CEP89: variants seen among roughly 807,000 people sequenced by gnomAD.
CEP89 encodes centrosomal protein of 89 kDa.
Under a neutral mutation model 97.6 loss-of-function variants are expected in CEP89, and 95 were observed. That is an observed-to-expected ratio of 0.97 (90% CI 0.82 to 1.15). CEP89 has a LOEUF of 1.15. CEP89 is among the 50% of genes most tolerant of loss of function. The pLI is 0.00. For synonymous variants in CEP89, 354 were observed against 349.1 expected (o/e 1.01, Z -0.16); for missense variants, 869 against 947.7 (o/e 0.92, Z 1.09).
At chr19:32,943,427 G>T (rs922363540) in intron 5 of CEP89, among the ~76,000 whole-genome samples, 4 of 152,114 alleles carry the variant, frequency 2.6e-5, no homozygotes, top group Non-Finnish European at 5.9e-5. Flanking sequence ...CTCTCCAGAG[G>T]TAACCATGGT....
intron 2 of CEP89, among the ~76,000 whole-genome samples, chr19:32,962,499 G>T (rs764704462): frequency 6.6e-6 from 1 of 152,104 alleles, no homozygotes; most frequent in Non-Finnish European, 1.5e-5. Flanking sequence ...CTGTAAAGCC[G>T]AAAACCATAA....
intron 14 of CEP89, among the ~76,000 whole-genome samples, chr19:32,912,910 T>C (rs771716553): frequency 5.3e-5 from 8 of 150,944 alleles, no homozygotes; most frequent in South Asian, 2.1e-4. Context: ...GGCGAGGTGG[T>C]GGGCGCCTGT....
chr19:32,905,543 C>A (rs1969870882), intron 14 of CEP89, among the ~76,000 whole-genome samples: 1 of 151,112 alleles, frequency 6.6e-6, no homozygotes, highest in African/African-American at 2.4e-5. Flanking sequence ...TTCAGGTATT[C>A]TTCTTCTTCT....
chr19:32,900,005 A>C lies in CEP89; in HGVS notation c.1734-7T>G. 1 of 1,613,858 alleles carries C rather than the reference A, an allele frequency of 6.2e-7. No homozygotes were observed. The highest frequency in any genetic ancestry group is 8.5e-7 in the Non-Finnish European group (1 of 1,179,868). On this transcript the variant is annotated splice_region_variant and splice_polypyrimidine_tract_variant and intron_variant, in intron 15 of 18. Coordinates refer to ENST00000305768, the MANE Select transcript of CEP89 (RefSeq NM_032816.5). ...AATTTTCTTTTGAGATTTCCTAGAG[A>C]GTTACCCCAAATGGTAGAATAAAAA...
chr19:32,934,142 C>T lies in CEP89; in HGVS notation c.668-473G>A, dbSNP rs914926446. The stretch of plus-strand genomic sequence containing the variant: ...TCAGGGGCTGGTGGCTGGCTGGGTG[C>T]GGGCAGTGAGAGAGAAGCAGACCCA... On this transcript the variant is annotated intron_variant, in intron 7 of 18. Transcript: ENST00000305768. Among the ~76,000 whole-genome samples the T allele has an allele frequency of 7.2e-5, 11 of 151,750 alleles. No homozygotes were observed. In the East Asian group the frequency reaches 7.8e-4, roughly 11 times the overall value.
At position 32,933,532 on chromosome 19, in the gene CEP89, T is replaced by C; in HGVS notation, c.805A>G (p.Lys269Glu). Residue 269 changes from lysine (K) to glutamate (E), a missense_variant, in exon 8 of 19, where the codon AAA (lysine) becomes GAA (glutamate). By Grantham distance (56) the Lys-to-Glu change is moderately conservative. Coordinates refer to ENST00000305768, the MANE Select transcript of CEP89 (RefSeq NM_032816.5). ...CCCTTAAGTTTTAACTGTAGTTCTT[T>C]CATTGCTTGTTTCATTGTGTTTAGT... ...LELNTMKQAM[K>E]ELQLKLKGME... 6.2e-7 allele frequency: 1 copy of C among 1,614,066 alleles called. No individual in the cohort carries two copies. The highest frequency in any genetic ancestry group is 8.5e-7 in the Non-Finnish European group (1 of 1,179,888).
At chr19:32,954,467 G>A (rs1971004208) in intron 3 of CEP89, among the ~76,000 whole-genome samples, 3 of 151,682 alleles carry the variant, frequency 2.0e-5, no homozygotes, top group African/African-American at 7.3e-5. Context: ...CTGGGCTCAG[G>A]TGATCCTCCA....
chr19:32,887,751 C>G lies in CEP89; in HGVS notation c.1965+1G>C. On this transcript the variant is annotated splice_donor_variant, in intron 17 of 18. Coordinates refer to ENST00000305768, the MANE Select transcript of CEP89 (RefSeq NM_032816.5). LOFTEE classifies it high-confidence loss of function. ...ATCTCTGAGGCCAAATAACCACTTA[C>G]CTTGACTTTTTCCTCTAACTTTCCC... 6.3e-7 allele frequency: 1 copy of G among 1,594,644 alleles called. No homozygotes were observed. Among genetic ancestry groups the G allele is most frequent in the African/African-American group, 1.3e-5 (1 of 74,668 alleles).
At chr19:32,891,542 C>T (rs1480524082) in intron 16 of CEP89, among the ~76,000 whole-genome samples, 1 of 151,824 alleles carries the variant, frequency 6.6e-6, no homozygotes, top group African/African-American at 2.4e-5. Flanking sequence ...TATGAAATGC[C>T]TGAAAAAGAA....
chr19:32,900,963 G>A (rs541718983), intron 15 of CEP89, among the ~76,000 whole-genome samples: 4 of 148,690 alleles, frequency 2.7e-5, no homozygotes, highest in Admixed American at 6.8e-5. Context: ...TCGGCTCACC[G>A]CAACCTCTGC....
At chr19:32,941,972 C>A (rs1970695886) in intron 5 of CEP89, among the ~76,000 whole-genome samples, 1 of 152,316 alleles carries the variant, frequency 6.6e-6, no homozygotes, top group East Asian at 1.9e-4. Flanking sequence ...TGGTATCACA[C>A]AATGCTACCT....
intron 7 of CEP89, among the ~76,000 whole-genome samples, chr19:32,934,768 T>C (rs1247574465): frequency 1.3e-5 from 2 of 151,926 alleles, no homozygotes; most frequent in Non-Finnish European, 2.9e-5. Context: ...GAGGGGTGGC[T>C]CCAGGGATAC....
rs1407110112 is a variant in CEP89, at chr19:32,951,534, T to TATATACAC, written c.492+2080_492+2081insGTGTATAT. On this transcript the variant is annotated intron_variant, in intron 4 of 18. Transcript: ENST00000305768. ...AATTATATATATATATATATATATATACACACACACACACACACACACACA... is the reference window on the plus strand; with the variant it reads ...AATTATATATATATATATATATATATATATACACACACACACACACACACACACACACA... 3.6e-3 allele frequency among the ~76,000 whole-genome samples: 442 copies of TATATACAC among 121,994 alleles called. 6 individuals carry two copies. Among genetic ancestry groups the TATATACAC allele is most frequent in the East Asian group, 0.029 (127 of 4,332 alleles). 80.0% of individuals were successfully genotyped at this position (121,994 alleles called of 152,430 possible).
chr19:32,940,856 G>A (rs1457916299), intron 5 of CEP89, among the ~76,000 whole-genome samples: 1 of 151,660 alleles, frequency 6.6e-6, no homozygotes, highest in Non-Finnish European at 1.5e-5. Context: ...CGCCTCCCAG[G>A]TTCAAATGAT....
rs1971130012 is a variant in CEP89 at position 32,959,937 on chromosome 19, T to C, written c.268A>G (p.Ile90Val). Residue 90 changes from isoleucine (I) to valine (V), a missense_variant, in exon 3 of 19, where the codon ATC becomes GTC. By Grantham distance (29) the Ile-to-Val change is conservative. Transcript: ENST00000305768. ...TGTGAGGTGGTGGCATAGGGCTCGA[T>C]GAAGCTGTCCTGTTCAACACTGCTC... is the stretch of plus-strand genomic sequence containing the variant. Reference protein sequence around the residue: ...DVSSVEQDSFIEPYATTSQLR... With the variant: ...DVSSVEQDSFVEPYATTSQLR... The C allele has an allele frequency of 2.5e-6, 4 of 1,614,076 alleles. No individual in the cohort carries two copies. The highest frequency in any genetic ancestry group is 3.4e-6 in the Non-Finnish European group (4 of 1,180,030).
At position 32,923,450 on chromosome 19, in the gene CEP89, G is replaced by A. The variant is rs1970292865; in HGVS notation, c.1257C>T (p.Thr419=). 3.2e-6 allele frequency: 5 copies of A among 1,578,426 alleles called. No individual in the cohort carries two copies. Among genetic ancestry groups the A allele is most frequent in the African/African-American group, 1.3e-5 (1 of 74,158 alleles). ...HQELNKSSAV[T]SEEWRQLQTQ... is the part of the protein sequence containing the mutation. ...ACAATGCCACTTGCCATTCCTCACT[G>A]GTAACAGCACTACTCTTATTTAACT... The change falls in exon 12 of 19, where the codon ACC becomes ACT. Residue 419 remains threonine, a synonymous_variant. Coordinates refer to ENST00000305768, the MANE Select transcript of CEP89 (RefSeq NM_032816.5).
rs570031407 is a variant in CEP89, at chr19:32,960,834, CAA to C, written c.147-778_147-777del. On this transcript the variant is annotated intron_variant, in intron 2 of 18. Coordinates refer to ENST00000305768, the MANE Select transcript of CEP89 (RefSeq NM_032816.5). The stretch of plus-strand genomic sequence containing the variant: ...CAAAAAAAAAAATAGTAAAACAAAA[CAA>C]AAGACCACCGTCCCAGCTTGCTGCC... Among the ~76,000 whole-genome samples the C allele has an allele frequency of 1.5e-4, 22 of 151,208 alleles. No individual in the cohort carries two copies. The East Asian group carries it at 3.9e-3, about 27-fold the overall frequency.
chr19:32,882,897 G>C (rs897131327), intron 17 of CEP89, among the ~76,000 whole-genome samples: 8 of 151,740 alleles, frequency 5.3e-5, no homozygotes, highest in African/African-American at 1.9e-4. Flanking sequence ...CTTGCTCTGT[G>C]GCCCAGGCTG....
chr19:32,940,084 C>T (rs1458135287), intron 5 of CEP89, among the ~76,000 whole-genome samples, 199 bp from the exon 6 acceptor site: 1 of 152,154 alleles, frequency 6.6e-6, no homozygotes, highest in Non-Finnish European at 1.5e-5. Context: ...ATCTCTCTCC[C>T]ATACCCATGC....
Sources: gnomAD v4.1 joint callset for allele counts (sites outside exome capture counted in the v4.1 genomes callset) on GRCh38, gnomAD v4.1.1 for gene constraint, MANE v1.5 for transcripts, NCBI Gene and HGNC (gene_info 2026-07-23, HGNC 2026-07-21) for gene names.